SYNDIG1: variants seen among roughly 807,000 people sequenced by gnomAD.
The protein encoded by SYNDIG1 is synapse differentiation-inducing gene protein 1.
Under a neutral mutation model 19.4 loss-of-function variants are expected in SYNDIG1, and 9 were observed. That is an observed-to-expected ratio of 0.46 (90% CI 0.28 to 0.81). The LOEUF is 0.81. Among genes scored for constraint, SYNDIG1 ranks in the 30% least tolerant of loss-of-function variants. The pLI, the probability that SYNDIG1 is intolerant of heterozygous loss-of-function variation, is 0.12. For missense variants in SYNDIG1, 311 were observed against 343.3 expected (o/e 0.91, Z 0.74); for synonymous variants, 141 against 145.9 (o/e 0.97, Z 0.24).
chr20:24,605,155 C>T (rs76464673), intron 3 of SYNDIG1, among the ~76,000 whole-genome samples: 18 of 152,134 alleles, frequency 1.2e-4, no homozygotes, highest in Non-Finnish European at 2.5e-4. Context: ...TGGAGCCACG[C>T]AGAAAGAAAA....
chr20:24,601,592 A>G (rs925036485), intron 3 of SYNDIG1, among the ~76,000 whole-genome samples: 1 of 152,172 alleles, frequency 6.6e-6, no homozygotes, highest in Non-Finnish European at 1.5e-5. Context: ...ATATTTTTAA[A>G]ATATGAATTT....
At chr20:24,576,845 T>A (rs1379998522) in intron 2 of SYNDIG1, among the ~76,000 whole-genome samples, 1 of 152,158 alleles carries the variant, frequency 6.6e-6, no homozygotes, top group African/African-American at 2.4e-5. Context: ...TCCTCACTTC[T>A]GTTGAGAAAG....
At chr20:24,597,933 G>T (rs574716731) in intron 3 of SYNDIG1, among the ~76,000 whole-genome samples, 1 of 152,242 alleles carries the variant, frequency 6.6e-6, no homozygotes, top group African/African-American at 2.4e-5. Flanking sequence ...GGTGCATTCT[G>T]GTCCATACCA....
chr20:24,499,812 A>G (rs1046452673), intron 1 of SYNDIG1, among the ~76,000 whole-genome samples: 3 of 152,208 alleles, frequency 2.0e-5, no homozygotes, highest in African/African-American at 7.2e-5. Flanking sequence ...AAAATTCTAT[A>G]CAACACAATG....
In SYNDIG1 at chr20:24,665,361, G is replaced by T. The variant is rs1247009974; in HGVS notation, c.634G>T (p.Ala212Ser). Residue 212 changes from alanine (A) to serine (S), a missense_variant, in exon 4 of 4, where the codon GCC becomes TCC. Ala to Ser is a moderately conservative substitution (Grantham distance 99). Coordinates refer to ENST00000376862, the MANE Select transcript of SYNDIG1 (RefSeq NM_024893.3). ...AACTCTGCAGACCAACAAAGCCGTG[G>T]CCAAGGGGGACTTGCACCAGGCCAG... Reference protein sequence around the residue: ...YLSHETNKAVAKGDLHQASTS... With the variant: ...YLSHETNKAVSKGDLHQASTS... 1 of 1,601,802 alleles carries T rather than the reference G, an allele frequency of 6.2e-7. No individual in the cohort carries two copies. Among genetic ancestry groups the T allele is most frequent in the East Asian group, 2.2e-5 (1 of 44,492 alleles).
chr20:24,525,657 G>C (rs2057109221), intron 1 of SYNDIG1, among the ~76,000 whole-genome samples: 1 of 152,160 alleles, frequency 6.6e-6, no homozygotes, highest in South Asian at 2.1e-4. Context: ...GAGTGAGAGA[G>C]ACAGAGAATG....
chr20:24,606,894 A>C (rs2058764480), intron 3 of SYNDIG1, among the ~76,000 whole-genome samples: 1 of 152,182 alleles, frequency 6.6e-6, no homozygotes, highest in Non-Finnish European at 1.5e-5. Context: ...TGTTTGGAGG[A>C]TGATTCTGGG....
rs753677757 is a variant in SYNDIG1 at position 24,584,868 on chromosome 20, A to T, written c.493A>T (p.Ser165Cys). 1 of 1,614,076 alleles carries T rather than the reference A, an allele frequency of 6.2e-7. No homozygotes were observed. The highest frequency in any genetic ancestry group is 8.5e-7 in the Non-Finnish European group (1 of 1,180,028). Residue 165 changes from serine to cysteine, a missense_variant, in exon 3 of 4, where the codon AGC becomes TGC. Coordinates refer to ENST00000376862, the MANE Select transcript of SYNDIG1 (RefSeq NM_024893.3). ...EFQELESDYS[S>C]DTESEDNFLM... Reference sequence around the variant, plus strand: ...TTCTCTCTTGCAGAGCGACTACTCAAGCGACACAGAGAGTGAGGACAATTT... The same window carrying T: ...TTCTCTCTTGCAGAGCGACTACTCATGCGACACAGAGAGTGAGGACAATTT...
At chr20:24,640,779 A>G (rs2059368734) in intron 3 of SYNDIG1, among the ~76,000 whole-genome samples, 1 of 152,140 alleles carries the variant, frequency 6.6e-6, no homozygotes, top group Non-Finnish European at 1.5e-5. Flanking sequence ...GTAGCATGGG[A>G]TGGATCCACA....
At chr20:24,568,068 G>A (rs1481101739) in intron 2 of SYNDIG1, among the ~76,000 whole-genome samples, 3 of 152,192 alleles carry the variant, frequency 2.0e-5, no homozygotes, top group Non-Finnish European at 2.9e-5. Flanking sequence ...TTGAATCCGG[G>A]AGGCAGAGGT....
intron 1 of SYNDIG1, among the ~76,000 whole-genome samples, chr20:24,514,272 C>A (rs186433780): frequency 1.3e-5 from 2 of 152,274 alleles, no homozygotes; most frequent in Admixed American, 1.3e-4. Context: ...TCACACATAA[C>A]AATATTAACC....
chr20:24,503,004 A>T (rs2056493399), intron 1 of SYNDIG1, among the ~76,000 whole-genome samples: 1 of 152,266 alleles, frequency 6.6e-6, no homozygotes, highest in African/African-American at 2.4e-5. Context: ...ATGTCATAGC[A>T]TGAAGCCCAT....
At chr20:24,659,857 C>T (rs1171600094) in intron 3 of SYNDIG1, among the ~76,000 whole-genome samples, 2 of 152,202 alleles carry the variant, frequency 1.3e-5, no homozygotes, top group Admixed American at 6.5e-5. Context: ...ATGAGTTTCT[C>T]TATTCTCTGT....
At position 24,638,208 on chromosome 20, in the gene SYNDIG1, G is replaced by A. The variant is rs114411476; in HGVS notation, c.619-27138G>A. Reference sequence around the variant, plus strand: ...AGCTGGTCACCCCAGTGACAGTGCAGGGCTGAGAAGGACAGAAAAACCAAG... The same window carrying A: ...AGCTGGTCACCCCAGTGACAGTGCAAGGCTGAGAAGGACAGAAAAACCAAG... On this transcript the variant is annotated intron_variant, in intron 3 of 3. Coordinates refer to ENST00000376862, the MANE Select transcript of SYNDIG1 (RefSeq NM_024893.3). Among the ~76,000 whole-genome samples the A allele has an allele frequency of 5.8e-3, 891 of 152,342 alleles. 10 individuals carry two copies. The highest frequency in any genetic ancestry group is 0.021 in the African/African-American group (854 of 41,584).
chr20:24,519,107 G>T (rs141996196), intron 1 of SYNDIG1, among the ~76,000 whole-genome samples: 38 of 152,322 alleles, frequency 2.5e-4, no homozygotes, highest in African/African-American at 8.9e-4. Flanking sequence ...CAGTCAGCAC[G>T]CTGATTAACT....
intron 3 of SYNDIG1, 42 bp downstream of exon 3, chr20:24,585,035 C>A: frequency 6.5e-6 from 9 of 1,384,582 alleles, no homozygotes; most frequent in South Asian, 4.6e-5. Flanking sequence ...TGCAGGTGTT[C>A]ACAGGGTGGG....
At chr20:24,503,630 G>T (rs900734656) in intron 1 of SYNDIG1, among the ~76,000 whole-genome samples, 6 of 149,258 alleles carry the variant, frequency 4.0e-5, no homozygotes, top group Non-Finnish European at 7.4e-5. Context: ...CTGACCCTTT[G>T]CTAGCTTTCC....
chr20:24,609,504 G>A (rs2058813798), intron 3 of SYNDIG1, among the ~76,000 whole-genome samples: 1 of 152,180 alleles, frequency 6.6e-6, no homozygotes, highest in Non-Finnish European at 1.5e-5. Flanking sequence ...CAGCACTCAA[G>A]CACACACAGG....
At chr20:24,498,065 G>T (rs576802558) in intron 1 of SYNDIG1, among the ~76,000 whole-genome samples, 231 of 152,312 alleles carry the variant, frequency 1.5e-3, no homozygotes, top group Non-Finnish European at 2.6e-3. Context: ...TTCCAGGGTG[G>T]TTTCCCACAT....
Sources: allele counts gnomAD v4.1 joint callset (sites outside exome capture counted in the v4.1 genomes callset), GRCh38; gene constraint gnomAD v4.1.1; transcripts MANE v1.5; gene names NCBI Gene and HGNC (gene_info 2026-07-23, HGNC 2026-07-21).